Variants in EBF4 observed in about 807,000 individuals in gnomAD.
The protein encoded by EBF4 is transcription factor COE4.
EBF4 carries 34 observed loss-of-function variants against 67.1 expected under a neutral mutation model. The observed-to-expected ratio is 0.51, with a 90% CI of 0.39 to 0.67. EBF4 has a LOEUF of 0.67. Among genes scored for constraint, EBF4 ranks in the 30% least tolerant of loss-of-function variants. The pLI, the probability that EBF4 is intolerant of heterozygous loss-of-function variation, is 0.00. For synonymous variants in EBF4, 387 were observed against 377.7 expected, an observed-to-expected ratio of 1.02 and a Z score of -0.29; for missense variants, 837 against 873.3, an observed-to-expected ratio of 0.96 and a Z score of 0.52.
At position 2,711,184 on chromosome 20, in the gene EBF4, T is replaced by A. The variant is rs550783586; in HGVS notation, c.557+1542T>A. ...ATAATAATAATAATAATAATAAAAT[T>A]AAATTAAAATTAAAATGGTGGCAGG... is the stretch of plus-strand genomic sequence containing the variant. On this transcript the variant is annotated intron_variant, in intron 6 of 16. Transcript: ENST00000609451. Among the ~76,000 whole-genome samples, 1,020 of 149,560 alleles carry A rather than the reference T, an allele frequency of 6.8e-3. 12 individuals carry two copies. Among genetic ancestry groups the A allele is most frequent in the African/African-American group, 0.023 (944 of 40,188 alleles).
At chr20:2,693,449 G>T, upstream of EBF4, 2 of 493,618 alleles carry the variant, frequency 4.1e-6, no homozygotes, top group Non-Finnish European at 6.4e-6. The surrounding 1 kb of genome is among the most constrained non-coding windows in gnomAD (Gnocchi z 4.6). Flanking sequence ...CCCAGGAGGG[G>T]AGGGGACAGC....
At chr20:2,741,690 T>G (rs1047212763) in intron 6 of EBF4, among the ~76,000 whole-genome samples, 2 of 152,164 alleles carry the variant, frequency 1.3e-5, no homozygotes, top group African/African-American at 4.8e-5. Context: ...TACTCTGAGC[T>G]TTCCTTTAAG....
chr20:2,695,517 C>T (rs2087276244), intron 1 of EBF4, among the ~76,000 whole-genome samples: 1 of 152,140 alleles, frequency 6.6e-6, no homozygotes, highest in Non-Finnish European at 1.5e-5. Flanking sequence ...TGAACAGGGG[C>T]TTTCTTCAGG....
chr20:2,750,935 C>T (rs1012066464), intron 10 of EBF4, among the ~76,000 whole-genome samples: 2 of 152,142 alleles, frequency 1.3e-5, no homozygotes, highest in Admixed American at 6.5e-5. Context: ...AGGAAATCCA[C>T]TAAGTCAGGA....
intron 1 of EBF4, among the ~76,000 whole-genome samples, chr20:2,700,299 A>C (rs990409126): frequency 5.3e-5 from 8 of 151,918 alleles, no homozygotes; most frequent in Non-Finnish European, 1.0e-4. Flanking sequence ...TGGTATTTGC[A>C]TCCTTGTCCC....
At chr20:2,750,080 T>A in intron 10 of EBF4, 107 bp downstream of exon 10, 1 of 1,432,272 alleles carries the variant, frequency 7.0e-7, no homozygotes, top group Non-Finnish European at 9.2e-7. Context: ...CTCTACGCTG[T>A]GGCCACGACC....
intron 6 of EBF4, among the ~76,000 whole-genome samples, chr20:2,741,352 C>A (rs1421891662): frequency 1.3e-5 from 2 of 152,118 alleles, no homozygotes; most frequent in Admixed American, 6.6e-5. Context: ...CTTCTACCCC[C>A]TGAAAACCTA....
intron 1 of EBF4, among the ~76,000 whole-genome samples, chr20:2,697,247 A>G (rs2087303235): frequency 6.6e-6 from 1 of 152,166 alleles, no homozygotes; most frequent in Non-Finnish European, 1.5e-5. Flanking sequence ...AGTTCTGAGC[A>G]AAAGAGGGGT....
chr20:2,711,481 G>T (rs1405444660), intron 6 of EBF4, among the ~76,000 whole-genome samples: 1 of 152,184 alleles, frequency 6.6e-6, no homozygotes, highest in African/African-American at 2.4e-5. Context: ...AAGTAGAATT[G>T]CTGGGACAAA....
chr20:2,694,214 T>C (rs1568562891), intron 1 of EBF4, among the ~76,000 whole-genome samples: 1 of 152,164 alleles, frequency 6.6e-6, no homozygotes, highest in Non-Finnish European at 1.5e-5. Context: ...CCAGCCCCCT[T>C]TTTCCTTTCC....
chr20:2,720,166 A>G (rs928113961), intron 6 of EBF4, among the ~76,000 whole-genome samples: 3 of 152,082 alleles, frequency 2.0e-5, no homozygotes, highest in African/African-American at 7.2e-5. Context: ...TAGTCACACT[A>G]GCTCCCTGCA....
chr20:2,735,777 T>A (rs2087869216), intron 6 of EBF4, among the ~76,000 whole-genome samples: 1 of 152,218 alleles, frequency 6.6e-6, no homozygotes, highest in Admixed American at 6.5e-5. Context: ...CCCTGCCCTC[T>A]GAGAGCTTAC....
At position 2,755,733 on chromosome 20, in the gene EBF4, C is replaced by G; in HGVS notation, c.1647C>G (p.Ala549=). Residue 549 remains alanine, a synonymous_variant, in exon 15 of 17, where the codon GCC becomes GCG. Coordinates refer to ENST00000609451, the Ensembl canonical transcript of EBF4. The surrounding 1 kb of genome is among the most constrained non-coding windows in gnomAD (Gnocchi z 4.7). ...TCTCGCCTGTCAACATGATCTCCGC[C>G]GTCAAACAGAGGAGCGCCTTCGCCC... 2 of 1,551,078 alleles carry G rather than the reference C, an allele frequency of 1.3e-6. No individual in the cohort carries two copies. Among genetic ancestry groups the G allele is most frequent in the South Asian group, 2.4e-5 (2 of 84,054 alleles).
exon 8 of EBF4, chr20:2,749,406 G>T: frequency 6.5e-7 from 1 of 1,534,538 alleles, no homozygotes; most frequent in Non-Finnish European, 8.8e-7. Context: ...CGCAGGTGGT[G>T]GTGTCCACGA....
intron 6 of EBF4, among the ~76,000 whole-genome samples, chr20:2,743,334 G>A (rs1051352831): frequency 3.9e-5 from 6 of 152,206 alleles, no homozygotes; most frequent in African/African-American, 1.4e-4. Context: ...GTCCAGGGGA[G>A]AGCCCGGGCA....
At chr20:2,746,988 C>T (rs192871967) in intron 6 of EBF4, among the ~76,000 whole-genome samples, 5 of 152,156 alleles carry the variant, frequency 3.3e-5, no homozygotes, top group African/African-American at 1.2e-4. Context: ...GATCATATTC[C>T]GAGTTTACCA....
intron 6 of EBF4, among the ~76,000 whole-genome samples, chr20:2,733,404 T>A (rs752236203): frequency 6.6e-6 from 1 of 152,214 alleles, no homozygotes; most frequent in Non-Finnish European, 1.5e-5. Context: ...TTTGTGTTCA[T>A]ACTACTTGGA....
exon 17 of EBF4, chr20:2,759,378 A>C: frequency 4.6e-6 from 1 of 215,714 alleles, no homozygotes; most frequent in Non-Finnish European, 9.1e-6. Flanking sequence ...GCGGACCTCA[A>C]CCCGTGAGCT....
intron 6 of EBF4, among the ~76,000 whole-genome samples, chr20:2,740,555 G>C (rs1009314255): frequency 1.3e-5 from 2 of 152,170 alleles, no homozygotes; most frequent in African/African-American, 2.4e-5. Context: ...CTTTGGAAGT[G>C]AGAACATAAT....
Sources: allele counts gnomAD v4.1 joint callset (sites outside exome capture counted in the v4.1 genomes callset), GRCh38; gene constraint gnomAD v4.1.1; non-coding constraint Gnocchi (gnomAD v3.1); transcripts MANE v1.5; gene names NCBI Gene and HGNC (gene_info 2026-07-23, HGNC 2026-07-21).